The following NDUFAF4 variants were observed in gnomAD, a reference collection of about 807,000 sequenced individuals.
NDUFAF4 encodes the protein NADH dehydrogenase [ubiquinone] 1 alpha subcomplex assembly factor 4.
A neutral mutation model predicts 15.6 loss-of-function variants in NDUFAF4; 10 were observed. That is an observed-to-expected ratio of 0.64 (90% CI 0.40 to 1.09). The LOEUF is 1.09. Among genes scored for constraint, NDUFAF4 ranks in the 50% least tolerant of loss-of-function variants. The probability of loss-of-function intolerance (pLI) is 0.01; values close to 1 mark genes in which losing one functional copy is unlikely to be tolerated. For synonymous variants in NDUFAF4, 77 were observed against 73.3 expected (o/e 1.05, Z -0.26); for missense variants, 203 against 207.3 (o/e 0.98, Z 0.13).
intron 2 of NDUFAF4, among the ~76,000 whole-genome samples, chr6:96,893,044 A>T (rs543630652): frequency 6.6e-6 from 1 of 152,040 alleles, no homozygotes; most frequent in Non-Finnish European, 1.5e-5. Context: ...CCTCAATTTC[A>T]ATGACCAACA....
chr6:96,897,466 C>T (rs1250173818), intron 1 of NDUFAF4, among the ~76,000 whole-genome samples, 200 bp downstream of exon 1: 1 of 152,138 alleles, frequency 6.6e-6, no homozygotes, highest in African/African-American at 2.4e-5. Flanking sequence ...TAGGCGGGGC[C>T]GCCGACCTCA....
chr6:96,890,803 A>T lies in NDUFAF4; in HGVS notation c.*301T>A, dbSNP rs1854268. On this transcript the variant is annotated 3_prime_UTR_variant, in exon 3 of 3. Coordinates refer to ENST00000316149, the MANE Select transcript of NDUFAF4 (RefSeq NM_014165.4). ...ACATTTCCCAAGGGGTAATATGACC[A>T]ATTTAAAAGTTGGTATATGTGCCTA... The T allele has an allele frequency of 0.24, 65,770 of 279,016 alleles. 8,115 individuals carry two copies. The highest frequency in any genetic ancestry group is 0.34 in the East Asian group (3,569 of 10,518). The allele number at this position is 279,016 out of a possible 1,614,324, so 17.3% of individuals were successfully genotyped here.
intron 2 of NDUFAF4, among the ~76,000 whole-genome samples, chr6:96,895,931 C>T (rs1278721559): frequency 1.3e-5 from 2 of 152,026 alleles, no homozygotes; most frequent in East Asian, 1.9e-4. Context: ...CAAACTTTAC[C>T]CCTAACTAGA....
rs1775408723 is a variant in NDUFAF4, at chr6:96,897,781, G to C, written c.21C>G (p.Arg7=). 5.6e-6 allele frequency: 9 copies of C among 1,614,134 alleles called. No individual in the cohort carries two copies. In the East Asian group the frequency reaches 2.0e-4, roughly 36 times the overall value. The change falls in exon 1 of 3, where the codon CGC becomes CGG. Residue 7 remains arginine, a synonymous_variant. Coordinates refer to ENST00000316149, the MANE Select transcript of NDUFAF4 (RefSeq NM_014165.4). MGALVI[R]GIRNFNLENR... is the part of the protein sequence containing the mutation. Reference sequence around the variant, plus strand: ...TCTCTAGGTTGAAATTCCTGATACCGCGAATCACTAGTGCTCCCATCTCCT... The same window carrying C: ...TCTCTAGGTTGAAATTCCTGATACCCCGAATCACTAGTGCTCCCATCTCCT...
In NDUFAF4 at chr6:96,891,072, GGAGTACA is replaced by G; in HGVS notation, c.*25_*31del. 2 of 1,583,650 alleles carry G rather than the reference GGAGTACA, an allele frequency of 1.3e-6. No homozygotes were observed. The highest frequency in any genetic ancestry group is 8.7e-7 in the Non-Finnish European group (1 of 1,155,512). Reference sequence around the variant, plus strand: ...AGAAAATATACAGCAGGAGGGATGAGGAGTACACATAGGAAATTTCTGTGATTTTCTT... The same window carrying G: ...AGAAAATATACAGCAGGAGGGATGAGCATAGGAAATTTCTGTGATTTTCTT... On this transcript the variant is annotated 3_prime_UTR_variant, in exon 3 of 3. Transcript: ENST00000316149.
rs953565314 is a variant in NDUFAF4 at position 96,890,924 on chromosome 6, A to G, written c.*180T>C. 12 of 604,314 alleles carry G rather than the reference A, an allele frequency of 2.0e-5. No homozygotes were observed. The highest frequency in any genetic ancestry group is 3.4e-5 in the Non-Finnish European group (12 of 353,936). 37.4% of individuals were successfully genotyped at this position (604,314 alleles called of 1,614,324 possible). A position where few individuals can be genotyped will look rare whatever the true frequency, so the allele number is the denominator to read the frequency against. On this transcript the variant is annotated 3_prime_UTR_variant, in exon 3 of 3. Transcript: ENST00000316149. ...AAATATGCCTAAACCAAATTAAAAT[A>G]AAACAAAAGATATTCTATGGCAATC...
chr6:96,894,573 A>G (rs1562145315), intron 2 of NDUFAF4, among the ~76,000 whole-genome samples: 3 of 152,322 alleles, frequency 2.0e-5, no homozygotes, highest in Middle Eastern at 3.4e-3. Context: ...AAACTTTATC[A>G]TAGTATATAT....
chr6:96,890,978 TAA>T lies in NDUFAF4; in HGVS notation c.*124_*125del, dbSNP rs977529684. On this transcript the variant is annotated 3_prime_UTR_variant, in exon 3 of 3. Transcript: ENST00000316149. ...AAAAGTCAGGGAGCTCAATAAATATTAAGAGTATGCCCTCACAATGAGAGCAT... is the reference window on the plus strand; with the variant it reads ...AAAAGTCAGGGAGCTCAATAAATATTGAGTATGCCCTCACAATGAGAGCAT... The T allele has an allele frequency of 2.1e-5, 18 of 841,628 alleles. No homozygotes were observed. Among genetic ancestry groups the T allele is most frequent in the Non-Finnish European group, 3.3e-5 (18 of 542,374 alleles). The allele number at this position is 841,628 out of a possible 1,614,324, so 52.1% of individuals were successfully genotyped here.
chr6:96,889,337 T>C lies in NDUFAF4; in HGVS notation c.*1767A>G, dbSNP rs1213027754. On this transcript the variant is annotated 3_prime_UTR_variant, in exon 3 of 3. Transcript: ENST00000316149. ...GAATGGTATGGGAAGAAGTTCTTTA[T>C]TTTATCATGTGACACCACATAACAG... The C allele has an allele frequency of 6.6e-6, 1 of 152,126 alleles. No individual in the cohort carries two copies. Among genetic ancestry groups the C allele is most frequent in the African/African-American group, 2.4e-5 (1 of 41,394 alleles). The allele number at this position is 152,126 out of a possible 1,614,324, so 9.4% of individuals were successfully genotyped here. A position where few individuals can be genotyped will look rare whatever the true frequency, so the allele number is the denominator to read the frequency against.
chr6:96,892,520 C>G (rs1298458356), intron 2 of NDUFAF4, among the ~76,000 whole-genome samples: 4 of 152,142 alleles, frequency 2.6e-5, no homozygotes, highest in African/African-American at 4.8e-5. Flanking sequence ...GTTTCCTTCT[C>G]TTCAGGTAAT....
chr6:96,897,845 A>G lies in NDUFAF4; in HGVS notation c.-44T>C, dbSNP rs372549179. 1.8e-5 allele frequency: 29 copies of G among 1,612,734 alleles called. No homozygotes were observed. The highest frequency in any genetic ancestry group is 2.1e-5 in the Non-Finnish European group (25 of 1,179,372). ...GCTCAGGTTCAGGCCGCACGTGGGA[A>G]CACCGGCGCAGGACAACTCCGGGAC... On this transcript the variant is annotated 5_prime_UTR_variant, in exon 1 of 3. Coordinates refer to ENST00000316149, the MANE Select transcript of NDUFAF4 (RefSeq NM_014165.4).
chr6:96,894,502 TAAG>T (rs1347812339), intron 2 of NDUFAF4, among the ~76,000 whole-genome samples: 1 of 152,194 alleles, frequency 6.6e-6, no homozygotes, highest in African/African-American at 2.4e-5. Context: ...ACATGGATAA[TAAG>T]AATGAATCTT....
At chr6:96,892,117 T>C (rs776951530) in intron 2 of NDUFAF4, among the ~76,000 whole-genome samples, 22 of 152,228 alleles carry the variant, frequency 1.4e-4, no homozygotes, top group Non-Finnish European at 2.5e-4. Flanking sequence ...AGGATTCTGA[T>C]GCCACCCTAA....
chr6:96,892,232 G>T (rs928282296), intron 2 of NDUFAF4, among the ~76,000 whole-genome samples: 5 of 151,816 alleles, frequency 3.3e-5, no homozygotes, highest in African/African-American at 1.2e-4. Flanking sequence ...TCTTTCTCCC[G>T]AGAAAATAAA....
rs745521317 is a variant in NDUFAF4, at chr6:96,891,114, C to A, written c.518G>T (p.Arg173Leu). ...TTTCTGTGATTTTCTTCATTTTGAT[C>A]GTATTGCTTTCTTGTCTTCAGGAGG... Reference protein sequence around the residue: ...IFPPEDKKAIRSK With the variant: ...IFPPEDKKAILSK Residue 173 changes from arginine (R) to leucine (L), a missense_variant, in exon 3 of 3, where the codon CGA becomes CTA. Physicochemically the swap from Arg to Leu is moderately radical, Grantham distance 102. Transcript: ENST00000316149. The A allele has an allele frequency of 4.3e-6, 7 of 1,612,302 alleles. No individual in the cohort carries two copies. The highest frequency in any genetic ancestry group is 8.5e-7 in the Non-Finnish European group (1 of 1,179,344).
In NDUFAF4 at chr6:96,896,703, A is replaced by G. The variant is rs760830620; in HGVS notation, c.240+41T>C. ...TTAATCATTTTCCTGAAGCCCCAAA[A>G]TAAGTAAATTGTGTATTCACTTAAT... On this transcript the variant is annotated intron_variant, in intron 2 of 2. Coordinates refer to ENST00000316149, the MANE Select transcript of NDUFAF4 (RefSeq NM_014165.4). The G allele has an allele frequency of 8.9e-6, 13 of 1,466,056 alleles. No individual in the cohort carries two copies. The East Asian group carries it at 9.1e-5, about 10-fold the overall frequency. The allele number at this position is 1,466,056 out of a possible 1,614,324, so 90.8% of individuals were successfully genotyped here. A position where few individuals can be genotyped will look rare whatever the true frequency, so the allele number is the denominator to read the frequency against.
chr6:96,889,356 A>G lies in NDUFAF4; in HGVS notation c.*1748T>C, dbSNP rs886061823. On this transcript the variant is annotated 3_prime_UTR_variant, in exon 3 of 3. Transcript: ENST00000316149. ...TCTTTATTTTATCATGTGACACCAC[A>G]TAACAGATGCCTAACCACACAATGT... is the stretch of plus-strand genomic sequence containing the variant. 1 of 152,216 alleles carries G rather than the reference A, an allele frequency of 6.6e-6. No homozygotes were observed. Among genetic ancestry groups the G allele is most frequent in the African/African-American group, 2.4e-5 (1 of 41,456 alleles). 9.4% of individuals were successfully genotyped at this position (152,216 alleles called of 1,614,324 possible).
intron 2 of NDUFAF4, among the ~76,000 whole-genome samples, chr6:96,893,891 G>T (rs913718082): frequency 2.6e-5 from 4 of 152,100 alleles, no homozygotes; most frequent in African/African-American, 9.7e-5. Context: ...ACTTTCACTG[G>T]CATGTTAATG....
intron 2 of NDUFAF4, among the ~76,000 whole-genome samples, chr6:96,894,238 T>C (rs937392074): frequency 6.6e-6 from 1 of 152,202 alleles, no homozygotes; most frequent in African/African-American, 2.4e-5. Context: ...ATCCTCCCTT[T>C]GTCCAGTGTA....
Sources: allele counts gnomAD v4.1 joint callset (sites outside exome capture counted in the v4.1 genomes callset), GRCh38; gene constraint gnomAD v4.1.1; transcripts MANE v1.5; gene names NCBI Gene and HGNC (gene_info 2026-07-23, HGNC 2026-07-21).